FAM133B: variants seen among roughly 807,000 people sequenced by gnomAD.
The protein encoded by FAM133B is protein FAM133B.
Under a neutral mutation model 46.4 loss-of-function variants are expected in FAM133B, and 25 were observed. The observed-to-expected ratio is 0.54, with a 90% CI of 0.39 to 0.75. The LOEUF is 0.75. Among genes scored for constraint, FAM133B ranks in the 30% least tolerant of loss-of-function variants. The pLI is 0.00. For synonymous variants in FAM133B, 75 were observed against 86.0 expected, an observed-to-expected ratio of 0.87 and a Z score of 0.71; for missense variants, 205 against 277.6, an observed-to-expected ratio of 0.74 and a Z score of 1.86.
chr7:92,571,692 T>C (rs940521341), intron 8 of FAM133B, among the ~76,000 whole-genome samples: 1 of 152,232 alleles, frequency 6.6e-6, no homozygotes, highest in Non-Finnish European at 1.5e-5. Context: ...CTTTATCATA[T>C]TATTACATTC....
intron 10 of FAM133B, among the ~76,000 whole-genome samples, chr7:92,565,269 G>C (rs1794307145): frequency 6.6e-6 from 1 of 150,510 alleles, no homozygotes; most frequent in Non-Finnish European, 1.5e-5. Flanking sequence ...TCCTGCCTCA[G>C]CCTCCCGAAT....
Position 92,577,117 on chromosome 7 carries a change from C to T in FAM133B, c.451G>A (p.Glu151Lys). ...AAATAATTTACCTTACTGTCTGATTCAGTTTCTGACATGGAGCTTTCAGAA... is the reference window on the plus strand; with the variant it reads ...AAATAATTTACCTTACTGTCTGATTTAGTTTCTGACATGGAGCTTTCAGAA... ...KSSESSMSET[E>K]SDSKDSLKKK... The change falls in exon 7 of 11, where the codon GAA becomes AAA. Residue 151 changes from glutamate (E) to lysine (K), a missense_variant. Coordinates refer to ENST00000445716, the MANE Select transcript of FAM133B (RefSeq NM_152789.4). 6.8e-7 allele frequency: 1 copy of T among 1,477,240 alleles called. No individual in the cohort carries two copies. Among genetic ancestry groups the T allele is most frequent in the Non-Finnish European group, 9.0e-7 (1 of 1,111,522 alleles). The allele number at this position is 1,477,240 out of a possible 1,614,324, so 91.5% of individuals were successfully genotyped here.
chr7:92,579,876 G>T (rs1794815609), intron 2 of FAM133B, among the ~76,000 whole-genome samples: 1 of 152,130 alleles, frequency 6.6e-6, no homozygotes. Context: ...AACATGCTGT[G>T]CAGAGAAGAG....
At chr7:92,573,397 C>T (rs1467981204) in intron 8 of FAM133B, among the ~76,000 whole-genome samples, 1 of 151,794 alleles carries the variant, frequency 6.6e-6, no homozygotes. Flanking sequence ...TTAAGTGATC[C>T]TCCTGCCTCA....
rs903869222 is a variant in FAM133B at position 92,560,956 on chromosome 7, A to G, written c.*1326T>C. On this transcript the variant is annotated 3_prime_UTR_variant, in exon 11 of 11. Coordinates refer to ENST00000445716, the MANE Select transcript of FAM133B (RefSeq NM_152789.4). ...AATGTAAAATGAAAATGAATTATCAATTCCTTTTAACATTCCTAGTAAACA... is the reference window on the plus strand; with the variant it reads ...AATGTAAAATGAAAATGAATTATCAGTTCCTTTTAACATTCCTAGTAAACA... 1 of 152,670 alleles carries G rather than the reference A, an allele frequency of 6.6e-6. No homozygotes were observed. The highest frequency in any genetic ancestry group is 1.9e-4 in the East Asian group (1 of 5,204). The allele number at this position is 152,670 out of a possible 1,614,324, so 9.5% of individuals were successfully genotyped here. A position where few individuals can be genotyped will look rare whatever the true frequency, so the allele number is the denominator to read the frequency against.
Position 92,587,698 on chromosome 7 carries a change from C to G in FAM133B, c.24+2570G>C, listed in dbSNP as rs188583054. On this transcript the variant is annotated intron_variant, in intron 1 of 10. Transcript: ENST00000445716. ...GCAGTGAGCCATGATGGCGACACTG[C>G]ACTCCAGCTTGGGCAAGAGTGAGAT... 6.9e-3 allele frequency among the ~76,000 whole-genome samples: 1,045 copies of G among 152,280 alleles called. 5 individuals are homozygous for G. Among genetic ancestry groups the G allele is most frequent in the Non-Finnish European group, 0.011 (779 of 68,022 alleles).
intron 8 of FAM133B, 31 bp from the exon 9 acceptor site, chr7:92,569,946 C>G (rs1164731716): frequency 2.2e-5 from 23 of 1,028,732 alleles, no homozygotes; most frequent in Non-Finnish European, 2.9e-5. Context: ...TATCTTGACT[C>G]AGACATACTT....
intron 3 of FAM133B, 119 bp downstream of exon 3, chr7:92,579,198 C>T (rs976707689): frequency 2.1e-5 from 16 of 768,862 alleles, no homozygotes; most frequent in Non-Finnish European, 3.2e-5. Flanking sequence ...CTTTGTTGCC[C>T]AGGCTGGTCA....
chr7:92,582,510 A>G (rs546471310), intron 1 of FAM133B, among the ~76,000 whole-genome samples: 6 of 152,312 alleles, frequency 3.9e-5, no homozygotes, highest in Non-Finnish European at 8.8e-5. Flanking sequence ...AAAATGTAAA[A>G]TGTTTGTGCA....
At chr7:92,581,305 C>T (rs1041079577) in intron 2 of FAM133B, among the ~76,000 whole-genome samples, 1 of 152,228 alleles carries the variant, frequency 6.6e-6, no homozygotes, top group African/African-American at 2.4e-5. Flanking sequence ...TTTGGCTATA[C>T]TGGGTAGTGG....
Position 92,589,806 on chromosome 7 carries a change from G to A in FAM133B, c.24+462C>T, listed in dbSNP as rs377404383. The A allele has an allele frequency of 1.5e-3, 236 of 160,998 alleles. 3 individuals are homozygous for A. Among genetic ancestry groups the A allele is most frequent in the African/African-American group, 5.5e-3 (230 of 41,812 alleles). 10.0% of individuals were successfully genotyped at this position (160,998 alleles called of 1,614,324 possible). A position where few individuals can be genotyped will look rare whatever the true frequency, so the allele number is the denominator to read the frequency against. On this transcript the variant is annotated intron_variant, in intron 1 of 10. Coordinates refer to ENST00000445716, the MANE Select transcript of FAM133B (RefSeq NM_152789.4). Reference sequence around the variant, plus strand: ...GCTGGCTCTCCGGCACAGGGACCGCGTCGAGGCCTCTGTGCCTCCCTCCCA... The same window carrying A: ...GCTGGCTCTCCGGCACAGGGACCGCATCGAGGCCTCTGTGCCTCCCTCCCA...
At chr7:92,583,032 C>T (rs914035608) in intron 1 of FAM133B, among the ~76,000 whole-genome samples, 2 of 152,174 alleles carry the variant, frequency 1.3e-5, no homozygotes, top group Non-Finnish European at 2.9e-5. Context: ...CACAAATGTT[C>T]ACAACTGCAG....
At chr7:92,566,390 A>C (rs773776558) in intron 9 of FAM133B, among the ~76,000 whole-genome samples, 1 of 152,104 alleles carries the variant, frequency 6.6e-6, no homozygotes, top group Non-Finnish European at 1.5e-5. Flanking sequence ...TTGGGAGGCC[A>C]AGGCAGGAGG....
Position 92,578,396 on chromosome 7 carries a change from G to A in FAM133B, c.202-3C>T. The A allele has an allele frequency of 1.2e-6, 2 of 1,611,610 alleles. No individual in the cohort carries two copies. Among genetic ancestry groups the A allele is most frequent in the South Asian group, 2.2e-5 (2 of 90,812 alleles). ...TTTTCCAGTTCTTTCTTCCAGTTCT[G>A]CAAAAAGGTTATGAACACCATCAGA... On this transcript the variant is annotated splice_polypyrimidine_tract_variant and splice_region_variant and intron_variant, in intron 3 of 10. Coordinates refer to ENST00000445716, the MANE Select transcript of FAM133B (RefSeq NM_152789.4).
chr7:92,579,621 C>T (rs903477115), intron 2 of FAM133B, among the ~76,000 whole-genome samples: 2 of 152,138 alleles, frequency 1.3e-5, no homozygotes, highest in Admixed American at 6.5e-5. Context: ...ATTATAAGAG[C>T]TAATACACCA....
At chr7:92,577,814 G>A in intron 5 of FAM133B, 97 bp from the exon 6 acceptor site, 1 of 942,672 alleles carries the variant, frequency 1.1e-6, no homozygotes, top group Non-Finnish European at 1.6e-6. Flanking sequence ...TCTAGTGTCT[G>A]AGAAACAGAT....
chr7:92,575,367 G>T (rs1049353965), intron 8 of FAM133B, among the ~76,000 whole-genome samples: 3 of 152,130 alleles, frequency 2.0e-5, no homozygotes, highest in Admixed American at 2.0e-4. Context: ...CCAGCTACAG[G>T]GAGGCTGAGG....
Position 92,562,152 on chromosome 7 carries a change from T to C in FAM133B, c.*130A>G. Reference sequence around the variant, plus strand: ...CACACAGTGGCATCTGAGTGGCTACTGAATAGTCCAGGAATAATTCCAAAA... The same window carrying C: ...CACACAGTGGCATCTGAGTGGCTACCGAATAGTCCAGGAATAATTCCAAAA... On this transcript the variant is annotated 3_prime_UTR_variant, in exon 11 of 11. Transcript: ENST00000445716. 1 of 1,137,370 alleles carries C rather than the reference T, an allele frequency of 8.8e-7. No homozygotes were observed. Among genetic ancestry groups the C allele is most frequent in the South Asian group, 1.7e-5 (1 of 58,306 alleles). The allele number at this position is 1,137,370 out of a possible 1,614,324, so 70.5% of individuals were successfully genotyped here.
In FAM133B at chr7:92,565,973, C is replaced by T. The variant is rs115025261; in HGVS notation, c.657+41G>A. The stretch of plus-strand genomic sequence containing the variant: ...TGACTCATTTTATATTAAACCAAAA[C>T]ACCTATTCTATTGTCTGTAAAAACG... On this transcript the variant is annotated intron_variant, in intron 10 of 10. Coordinates refer to ENST00000445716, the MANE Select transcript of FAM133B (RefSeq NM_152789.4). The T allele has an allele frequency of 2.0e-4, 318 of 1,599,874 alleles. 2 individuals are homozygous for T. The African/African-American group carries it at 4.0e-3, about 20-fold the overall frequency.
Sources: gnomAD v4.1 joint callset for allele counts (sites outside exome capture counted in the v4.1 genomes callset) on GRCh38, gnomAD v4.1.1 for gene constraint, MANE v1.5 for transcripts, NCBI Gene and HGNC (gene_info 2026-07-23, HGNC 2026-07-21) for gene names.